SERAC1: variants seen among roughly 807,000 people sequenced by gnomAD.
SERAC1 encodes the protein serine active site containing 1, also known as protein SERAC1.
Under a neutral mutation model 85.7 loss-of-function variants are expected in SERAC1, and 36 were observed. The observed-to-expected ratio is 0.42, with a 90% CI of 0.32 to 0.55. The LOEUF is 0.55. Ranked by LOEUF, SERAC1 falls within the 20% of genes least tolerant of loss-of-function variation. The pLI, the probability that SERAC1 is intolerant of heterozygous loss-of-function variation, is 0.11. For missense variants in SERAC1, 629 were observed against 796.2 expected, an observed-to-expected ratio of 0.79 and a Z score of 2.53; for synonymous variants, 242 against 265.3, an observed-to-expected ratio of 0.91 and a Z score of 0.85.
chr6:158,144,148 A>C, intron 7 of SERAC1, 151 bp downstream of exon 7: 1 of 627,350 alleles, frequency 1.6e-6, no homozygotes, highest in East Asian at 2.9e-5. Flanking sequence ...ATCTTTGTAT[A>C]AAAACTATGA....
intron 8 of SERAC1, among the ~76,000 whole-genome samples, chr6:158,136,547 G>A (rs990937447): frequency 3.3e-5 from 5 of 152,186 alleles, no homozygotes; most frequent in African/African-American, 1.2e-4. Context: ...TGCAGTGGCT[G>A]TTCACAGAAA....
At chr6:158,126,004 A>G (rs1784531488) in intron 10 of SERAC1, among the ~76,000 whole-genome samples, 1 of 152,240 alleles carries the variant, frequency 6.6e-6, no homozygotes, top group African/African-American at 2.4e-5. Flanking sequence ...AAAGAGCAAG[A>G]TGACCAACAT....
rs548880248 is a variant in SERAC1, at chr6:158,137,801, C to A, written c.738+5255G>T. Reference sequence around the variant, plus strand: ...GGCTGAGGTGAGAGGATCACTTGAGCCCAGAAGGTGGAGGTTGTAGTGAGC... The same window carrying A: ...GGCTGAGGTGAGAGGATCACTTGAGACCAGAAGGTGGAGGTTGTAGTGAGC... On this transcript the variant is annotated intron_variant, in intron 8 of 16. Coordinates refer to ENST00000647468, the MANE Select transcript of SERAC1 (RefSeq NM_032861.4). Among the ~76,000 whole-genome samples the A allele has an allele frequency of 2.6e-5, 4 of 151,830 alleles. No homozygotes were observed. The South Asian group carries it at 8.3e-4, about 32-fold the overall frequency.
intron 6 of SERAC1, among the ~76,000 whole-genome samples, chr6:158,145,522 C>CTTTTTTTTTTTTTTTTTTTTTTTTTT (rs770977567): frequency 7.7e-6 from 1 of 129,206 alleles, no homozygotes; most frequent in African/African-American, 2.9e-5. Flanking sequence ...GAGAATTTTT[C>CTTTTTTTTTTTTTTTTTTTTTTTTTT]TTTTTTTTTT....
At chr6:158,164,109 C>T (rs150000242) in intron 1 of SERAC1, among the ~76,000 whole-genome samples, 8 of 152,110 alleles carry the variant, frequency 5.3e-5, no homozygotes, top group Non-Finnish European at 1.0e-4. Flanking sequence ...CTTTTCAAGA[C>T]GGACTATTCT....
At chr6:158,123,969 C>T (rs906938354) in intron 10 of SERAC1, among the ~76,000 whole-genome samples, 1 of 152,080 alleles carries the variant, frequency 6.6e-6, no homozygotes, top group Non-Finnish European at 1.5e-5. Context: ...GAAGTGGTTT[C>T]AGGCAGTGAT....
chr6:158,113,724 T>C, intron 15 of SERAC1, 132 bp from the exon 16 acceptor site: 1 of 796,506 alleles, frequency 1.3e-6, no homozygotes, highest in South Asian at 2.1e-5. Context: ...ACATGTTTAT[T>C]TTCTCCCCTG....
intron 8 of SERAC1, among the ~76,000 whole-genome samples, chr6:158,141,883 C>G (rs994155184): frequency 5.3e-5 from 8 of 152,172 alleles, no homozygotes; most frequent in African/African-American, 1.9e-4. Flanking sequence ...GTAAAGTATA[C>G]TAGACAAGTC....
chr6:158,117,722 G>C lies in SERAC1; in HGVS notation c.1403+5C>G, dbSNP rs770722498. On this transcript the variant is annotated splice_donor_5th_base_variant and intron_variant, in intron 13 of 16. Transcript: ENST00000647468. This position sits in a 1 kb window ranked among gnomAD's most constrained non-coding sequence, Gnocchi z 4.3. ...GTCCTCCTGGTCTAAAGTCGCCTCT[G>C]TTACCTTTCCATAGGGCACCTTGCT... is the stretch of plus-strand genomic sequence containing the variant. 30 of 1,613,858 alleles carry C rather than the reference G, an allele frequency of 1.9e-5. No homozygotes were observed. Among genetic ancestry groups the C allele is most frequent in the Middle Eastern group, 1.6e-4 (1 of 6,084 alleles).
intron 4 of SERAC1, among the ~76,000 whole-genome samples, 157 bp from the exon 5 acceptor site, chr6:158,149,111 C>T (rs1481777715): frequency 5.3e-5 from 8 of 152,154 alleles, no homozygotes; most frequent in Non-Finnish European, 1.2e-4. Flanking sequence ...TGCTTCACAG[C>T]CTCCCGAGTA....
chr6:158,152,172 A>G (rs1785221103), intron 3 of SERAC1, among the ~76,000 whole-genome samples: 1 of 152,222 alleles, frequency 6.6e-6, no homozygotes, highest in Non-Finnish European at 1.5e-5. Context: ...TGCATCCAGG[A>G]GTTCAAGGCC....
intron 3 of SERAC1, among the ~76,000 whole-genome samples, chr6:158,154,942 T>TAA (rs1381922578): frequency 6.6e-6 from 1 of 151,794 alleles, no homozygotes; most frequent in Non-Finnish European, 1.5e-5. Context: ...GCTGAGTGAG[T>TAA]GCCTGATTTA....
At chr6:158,127,439 G>T (rs1338274353) in intron 10 of SERAC1, among the ~76,000 whole-genome samples, 2 of 16,438 alleles carry the variant, frequency 1.2e-4, no homozygotes, top group Admixed American at 8.2e-4. Flanking sequence ...CTGCCCGGCC[G>T]CCCCTACTGG....
In SERAC1 at chr6:158,148,947, G is replaced by A; in HGVS notation, c.273C>T (p.Ala91=). 6.2e-7 allele frequency: 1 copy of A among 1,605,560 alleles called. No individual in the cohort carries two copies. The highest frequency in any genetic ancestry group is 1.1e-5 in the South Asian group (1 of 89,376). ...SLDKGENHGI[A]WQARKELHKA... ...TGTGAAGTTCTTTTCTTGCCTGCCA[G>A]GCAATACCTAAAATGATTATAAAAT... The change falls in exon 5 of 17, where the codon GCC becomes GCT. Residue 91 remains alanine, a synonymous_variant. Coordinates refer to ENST00000647468, the MANE Select transcript of SERAC1 (RefSeq NM_032861.4).
chr6:158,130,533 AT>A (rs34915796), intron 8 of SERAC1, 47 bp from the exon 9 acceptor site: 4 of 1,201,248 alleles, frequency 3.3e-6, no homozygotes, highest in East Asian at 5.2e-5. Flanking sequence ...AGTGACTAAT[AT>A]TTTTGTTTGA....
chr6:158,111,442 T>C lies in SERAC1; in HGVS notation c.1889A>G (p.Lys630Arg). 3 of 1,611,964 alleles carry C rather than the reference T, an allele frequency of 1.9e-6. No individual in the cohort carries two copies. Among genetic ancestry groups the C allele is most frequent in the Non-Finnish European group, 2.5e-6 (3 of 1,179,110 alleles). Residue 630 changes from lysine (K) to arginine (R), a missense_variant, in exon 17 of 17, where the codon AAG becomes AGG. Physicochemically the swap from Lys to Arg is conservative, Grantham distance 26. Coordinates refer to ENST00000647468, the MANE Select transcript of SERAC1 (RefSeq NM_032861.4). ...DVNHLNICKPKKKDAFLYQRT... is the reference protein window; with the variant it reads ...DVNHLNICKPRKKDAFLYQRT... ...CTGGTACAAAAAAGCATCCTTTTTCTTTGGCTTACAAATGTTCAAATGGTT... is the reference window on the plus strand; with the variant it reads ...CTGGTACAAAAAAGCATCCTTTTTCCTTGGCTTACAAATGTTCAAATGGTT...
intron 5 of SERAC1, among the ~76,000 whole-genome samples, chr6:158,148,185 G>A (rs1299721055): frequency 1.3e-5 from 2 of 152,066 alleles, no homozygotes; most frequent in South Asian, 2.1e-4. Flanking sequence ...AACTTTTTAA[G>A]GAGATCAGAT....
chr6:158,113,428 A>G (rs748328331), intron 16 of SERAC1, 21 bp downstream of exon 16: 5 of 1,598,988 alleles, frequency 3.1e-6, no homozygotes, highest in Non-Finnish European at 4.3e-6. Flanking sequence ...AACAGCCAAC[A>G]AGTTTCAAAA....
chr6:158,150,678 ACTT>A (rs1177527622), intron 3 of SERAC1, 89 bp from the exon 4 acceptor site: 12 of 940,626 alleles, frequency 1.3e-5, no homozygotes, highest in Admixed American at 4.4e-5. Context: ...GTCATAGTAA[ACTT>A]CTTTTTTGTT....
Sources: allele counts gnomAD v4.1 joint callset (sites outside exome capture counted in the v4.1 genomes callset), GRCh38; gene constraint gnomAD v4.1.1; non-coding constraint Gnocchi (gnomAD v3.1); transcripts MANE v1.5; gene names NCBI Gene and HGNC (gene_info 2026-07-23, HGNC 2026-07-21).